CDH20: variants seen among roughly 807,000 people sequenced by gnomAD.
The protein encoded by CDH20 is cadherin-20.
A neutral mutation model predicts 74.2 loss-of-function variants in CDH20; 29 were observed. That is an observed-to-expected ratio of 0.39 (90% CI 0.29 to 0.53). The LOEUF is 0.53. Among genes scored for constraint, CDH20 ranks in the 20% least tolerant of loss-of-function variants. The pLI, the probability that CDH20 is intolerant of heterozygous loss-of-function variation, is 0.69. For synonymous variants in CDH20, 469 were observed against 405.4 expected (o/e 1.16, Z -1.88); for missense variants, 988 against 1,048.3 (o/e 0.94, Z 0.79).
chr18:61,476,031 T>A (rs1362596968), intron 1 of CDH20, among the ~76,000 whole-genome samples: 2 of 152,186 alleles, frequency 1.3e-5, no homozygotes, highest in African/African-American at 4.8e-5. Context: ...TGGATGCCTG[T>A]CTGGAATTCC....
chr18:61,506,255 C>A (rs185293711), intron 5 of CDH20, among the ~76,000 whole-genome samples: 1 of 152,268 alleles, frequency 6.6e-6, no homozygotes, highest in East Asian at 1.9e-4. Context: ...AAAGTGTAAT[C>A]CATCAACAAC....
chr18:61,375,698 T>C (rs1420731231), intron 1 of CDH20, among the ~76,000 whole-genome samples: 1 of 152,016 alleles, frequency 6.6e-6, no homozygotes, highest in Non-Finnish European at 1.5e-5. Context: ...CCCCGTTCCC[T>C]CCCTAGGAGG....
chr18:61,539,005 T>C lies in CDH20; in HGVS notation c.1409-19T>C, dbSNP rs1439112540. ...CATTACTAAACTCTCAGATTTGGTT[T>C]TCCTTGTGTTCCCTTTAGACAATCC... On this transcript the variant is annotated intron_variant, in intron 8 of 11. Coordinates refer to ENST00000262717, the MANE Select transcript of CDH20 (RefSeq NM_031891.4). 6.2e-7 allele frequency: 1 copy of C among 1,607,624 alleles called. No individual in the cohort carries two copies. Among genetic ancestry groups the C allele is most frequent in the Non-Finnish European group, 8.5e-7 (1 of 1,178,440 alleles).
intron 1 of CDH20, among the ~76,000 whole-genome samples, chr18:61,370,712 T>C (rs1180756111): frequency 6.6e-6 from 1 of 152,140 alleles, no homozygotes; most frequent in African/African-American, 2.4e-5. Context: ...TGTAGTCTGA[T>C]TGCTGTAAAC....
chr18:61,423,417 A>G (rs923412646), intron 1 of CDH20, among the ~76,000 whole-genome samples: 9 of 152,156 alleles, frequency 5.9e-5, no homozygotes, highest in African/African-American at 2.2e-4. Flanking sequence ...TGAGAGTCAT[A>G]GTTTCATAGT....
In CDH20 at chr18:61,505,053, A is replaced by T. The variant is rs114587181; in HGVS notation, c.829+1933A>T. Among the ~76,000 whole-genome samples the T allele has an allele frequency of 9.5e-3, 1,453 of 152,262 alleles. 25 individuals carry two copies. The highest frequency in any genetic ancestry group is 0.032 in the African/African-American group (1,348 of 41,552). On this transcript the variant is annotated intron_variant, in intron 5 of 11. Transcript: ENST00000262717. ...TGATTCTGTGGGTTCCATCTTCATT[A>T]CTTCATGAAGGGCTCATATTACTCA...
chr18:61,512,955 G>A (rs1911840695), intron 6 of CDH20, among the ~76,000 whole-genome samples: 1 of 151,924 alleles, frequency 6.6e-6, no homozygotes, highest in African/African-American at 2.4e-5. Context: ...GGTGTGGTGT[G>A]GTGCTGAAAA....
chr18:61,381,145 TAAA>T (rs1252942178), intron 1 of CDH20, among the ~76,000 whole-genome samples: 1 of 152,148 alleles, frequency 6.6e-6, no homozygotes. Context: ...AAATCACACT[TAAA>T]GAAGAAATTT....
chr18:61,505,634 C>A (rs1042738876), intron 5 of CDH20, among the ~76,000 whole-genome samples: 3 of 152,158 alleles, frequency 2.0e-5, no homozygotes, highest in African/African-American at 7.2e-5. Flanking sequence ...CCACACCCAG[C>A]CTCAAGCCAA....
Position 61,550,126 on chromosome 18 carries a change from C to G in CDH20, c.1797C>G (p.Asp599Glu). The change falls in exon 11 of 12, where the codon GAC (aspartate) becomes GAG (glutamate). Residue 599 changes from aspartate to glutamate, a missense_variant. Transcript: ENST00000262717. ...TLTIQVCSCD[D>E]DGHVMSCSPE... The stretch of plus-strand genomic sequence containing the variant: ...CCATCCAAGTGTGCAGCTGTGATGA[C>G]GACGGCCACGTCATGTCCTGCAGCC... 1 of 1,614,210 alleles carries G rather than the reference C, an allele frequency of 6.2e-7. No individual in the cohort carries two copies. The highest frequency in any genetic ancestry group is 8.5e-7 in the Non-Finnish European group (1 of 1,180,042).
chr18:61,538,602 G>GTT (rs1227502362), intron 8 of CDH20, among the ~76,000 whole-genome samples: 4 of 50,434 alleles, frequency 7.9e-5, no homozygotes, highest in Non-Finnish European at 7.6e-5. Flanking sequence ...GTTTGTTTTT[G>GTT]TTTTTGTTTT....
chr18:61,381,728 T>C (rs1259696358), intron 1 of CDH20, among the ~76,000 whole-genome samples: 3 of 152,216 alleles, frequency 2.0e-5, no homozygotes, highest in African/African-American at 4.8e-5. Flanking sequence ...ATTAGGAACC[T>C]GTAGAATCTC....
At chr18:61,383,831 T>C (rs1249018543) in intron 1 of CDH20, among the ~76,000 whole-genome samples, 2 of 152,090 alleles carry the variant, frequency 1.3e-5, no homozygotes, top group Non-Finnish European at 2.9e-5. Flanking sequence ...AGCACAGCCA[T>C]GGTGAGGCTC....
chr18:61,507,320 AT>A (rs1911604194), intron 5 of CDH20, 52 bp from the exon 6 acceptor site: 1 of 1,547,856 alleles, frequency 6.5e-7, no homozygotes, highest in Non-Finnish European at 8.8e-7. Context: ...ATGATGAGGC[AT>A]TTTTTATAGT....
intron 1 of CDH20, among the ~76,000 whole-genome samples, chr18:61,432,787 T>C (rs901110342): frequency 4.6e-5 from 7 of 152,188 alleles, no homozygotes; most frequent in African/African-American, 1.4e-4. Flanking sequence ...CCTTCCTTCC[T>C]TTCTTACTTT....
Position 61,546,023 on chromosome 18 carries a change from G to GA in CDH20, c.1648+888dup, listed in dbSNP as rs201677509. On this transcript the variant is annotated intron_variant, in intron 10 of 11. Coordinates refer to ENST00000262717, the MANE Select transcript of CDH20 (RefSeq NM_031891.4). ...TGTAGCCAGATGATTTGCTTCAAAA[G>GA]AAAAAAAAAGGTCAGGGCAATGGAA... Among the ~76,000 whole-genome samples, 38 of 150,260 alleles carry GA rather than the reference G, an allele frequency of 2.5e-4. 1 individual carries two copies. The highest frequency in any genetic ancestry group is 1.6e-3 in the East Asian group (8 of 5,142).
At chr18:61,345,575 C>A (rs1466075912) in intron 1 of CDH20, among the ~76,000 whole-genome samples, 1 of 152,106 alleles carries the variant, frequency 6.6e-6, no homozygotes, top group Non-Finnish European at 1.5e-5. Flanking sequence ...CAAATTGGGG[C>A]TTGAAGAACA....
chr18:61,394,256 T>C (rs1006643582), intron 1 of CDH20, among the ~76,000 whole-genome samples: 1 of 152,096 alleles, frequency 6.6e-6, no homozygotes, highest in Non-Finnish European at 1.5e-5. Flanking sequence ...GGTTATATAG[T>C]CTGGAATGTC....
At chr18:61,411,647 A>T (rs1912512739) in intron 1 of CDH20, among the ~76,000 whole-genome samples, 1 of 151,678 alleles carries the variant, frequency 6.6e-6, no homozygotes. Context: ...ACACACACAC[A>T]CACACACACG....
Sources: allele counts gnomAD v4.1 joint callset (sites outside exome capture counted in the v4.1 genomes callset), GRCh38; gene constraint gnomAD v4.1.1; transcripts MANE v1.5; gene names NCBI Gene and HGNC (gene_info 2026-07-23, HGNC 2026-07-21).